PROS1: variants seen among roughly 807,000 people sequenced by gnomAD.
PROS1 encodes protein S.
Under a neutral mutation model 75.9 loss-of-function variants are expected in PROS1, and 29 were observed. The ratio of observed to expected loss-of-function variants is 0.38; its 90% CI spans 0.28 to 0.52. The LOEUF is 0.52. PROS1 is among the 20% of genes least tolerant of loss of function. The probability of loss-of-function intolerance (pLI) is 0.83; values close to 1 mark genes in which losing one functional copy is unlikely to be tolerated. For synonymous variants in PROS1, 245 were observed against 280.6 expected, an observed-to-expected ratio of 0.87 and a Z score of 1.27; for missense variants, 680 against 810.3, an observed-to-expected ratio of 0.84 and a Z score of 1.95.
At chr3:93,917,374 A>G (rs1708872633) in intron 3 of PROS1, among the ~76,000 whole-genome samples, 1 of 152,156 alleles carries the variant, frequency 6.6e-6, no homozygotes, top group Admixed American at 6.5e-5. Context: ...ATCTTGGCTC[A>G]CCGCAACCTC....
intron 3 of PROS1, among the ~76,000 whole-genome samples, chr3:93,912,252 C>T (rs1254936393): frequency 2.6e-5 from 4 of 152,090 alleles, no homozygotes; most frequent in African/African-American, 9.7e-5. Flanking sequence ...CTTTATCATT[C>T]CATATCTGAC....
At chr3:93,876,444 C>A (rs566178594) in intron 14 of PROS1, among the ~76,000 whole-genome samples, 89 of 151,892 alleles carry the variant, frequency 5.9e-4, no homozygotes, top group African/African-American at 2.1e-3. Context: ...AAAAGATTAG[C>A]CGGGTGTGGT....
rs1405079395 is a variant in PROS1 at position 93,873,410 on chromosome 3, T to G, written c.*835A>C. 6.6e-6 allele frequency: 1 copy of G among 152,230 alleles called. No homozygotes were observed. Among genetic ancestry groups the G allele is most frequent in the Non-Finnish European group, 1.5e-5 (1 of 68,032 alleles). 9.4% of individuals were successfully genotyped at this position (152,230 alleles called of 1,614,324 possible). ...CTTCAACAATCACATTTTGGCAACT[T>G]ACTCTGGTAATTAAAAGTTGGATTC... is the stretch of plus-strand genomic sequence containing the variant. On this transcript the variant is annotated 3_prime_UTR_variant, in exon 15 of 15. Transcript: ENST00000394236.
At chr3:93,962,180 TACTC>T (rs1268952057) in intron 1 of PROS1, among the ~76,000 whole-genome samples, 5 of 152,250 alleles carry the variant, frequency 3.3e-5, no homozygotes, top group Non-Finnish European at 5.9e-5. Context: ...TAGCAGCTCT[TACTC>T]ACCTGAACAA....
intron 1 of PROS1, among the ~76,000 whole-genome samples, chr3:93,933,587 A>G (rs1220187113): frequency 6.6e-6 from 1 of 151,718 alleles, no homozygotes; most frequent in Non-Finnish European, 1.5e-5. Flanking sequence ...AAAAAAGAAA[A>G]AAAAAGCCTG....
chr3:93,880,696 A>G (rs1708264252), intron 12 of PROS1, among the ~76,000 whole-genome samples: 1 of 152,196 alleles, frequency 6.6e-6, no homozygotes, highest in Non-Finnish European at 1.5e-5. Flanking sequence ...TTAACACAGA[A>G]TATTAAACTC....
intron 13 of PROS1, among the ~76,000 whole-genome samples, chr3:93,878,615 C>T (rs1171726174): frequency 1.3e-5 from 2 of 152,132 alleles, no homozygotes; most frequent in African/African-American, 2.4e-5. Flanking sequence ...AAGGCTTTTT[C>T]GTGTTCTTCC....
intron 13 of PROS1, 118 bp from the exon 14 acceptor site, chr3:93,877,309 A>T: frequency 1.5e-6 from 1 of 666,900 alleles, no homozygotes; most frequent in Non-Finnish European, 2.6e-6. Flanking sequence ...AAAATGTATG[A>T]TAGAGCCTCT....
chr3:93,963,476 T>A (rs1008393253), intron 1 of PROS1, among the ~76,000 whole-genome samples: 3 of 152,198 alleles, frequency 2.0e-5, no homozygotes, highest in Non-Finnish European at 4.4e-5. Flanking sequence ...GACCAACTAA[T>A]CTCTGGCTTA....
At chr3:93,875,647 T>TATC (rs1378490927) in intron 14 of PROS1, among the ~76,000 whole-genome samples, 28 of 151,394 alleles carry the variant, frequency 1.8e-4, no homozygotes, top group Non-Finnish European at 3.0e-4. Context: ...TCTATCTATC[T>TATC]ATCTATCTAT....
Position 93,934,959 on chromosome 3 carries a change from C to G in PROS1, c.77-7552G>C, listed in dbSNP as rs1268711578. The stretch of plus-strand genomic sequence containing the variant: ...GGAAAAAAAAAAAAAGTCACTCTGG[C>G]GTTGTTTCCACAGATTAAAACCTTT... On this transcript the variant is annotated intron_variant, in intron 1 of 14. Coordinates refer to ENST00000394236, the MANE Select transcript of PROS1 (RefSeq NM_000313.4). Among the ~76,000 whole-genome samples the G allele has an allele frequency of 9.9e-5, 15 of 151,834 alleles. 1 individual carries two copies. The highest frequency in any genetic ancestry group is 1.9e-4 in the Non-Finnish European group (13 of 67,968).
intron 8 of PROS1, 127 bp downstream of exon 8, chr3:93,898,321 C>A: frequency 9.0e-7 from 1 of 1,108,760 alleles, no homozygotes; most frequent in Non-Finnish European, 1.4e-6. Context: ...TGACTCATAA[C>A]CTGCTTAAAG....
chr3:93,905,905 T>A lies in PROS1; in HGVS notation c.480A>T (p.Glu160Asp). ...CATTTATATTTGAGGGATCTTTGCA[T>A]TCATTTATGTCTAAAACAGGAAAAA... ...QGEKCEFDIN[E>D]CKDPSNINGG... The change falls in exon 6 of 15, where the codon GAA becomes GAT. Residue 160 changes from glutamate (E) to aspartate (D), a missense_variant. Physicochemically the swap from Glu to Asp is conservative, Grantham distance 45 (BLOSUM62 2). Coordinates refer to ENST00000394236, the MANE Select transcript of PROS1 (RefSeq NM_000313.4). The A allele has an allele frequency of 2.5e-6, 4 of 1,613,484 alleles. No homozygotes were observed. The highest frequency in any genetic ancestry group is 3.4e-6 in the Non-Finnish European group (4 of 1,179,494).
chr3:93,892,899 A>G, intron 10 of PROS1, 34 bp downstream of exon 10: 2 of 1,579,726 alleles, frequency 1.3e-6, no homozygotes, highest in Non-Finnish European at 1.7e-6. Context: ...ACTGCATCAA[A>G]GTGGGAAGAT....
chr3:93,911,178 A>G, intron 3 of PROS1: 2 of 171,042 alleles, frequency 1.2e-5, no homozygotes, highest in Middle Eastern at 5.8e-3. Context: ...TAATACAGTA[A>G]TATTTGTATA....
chr3:93,913,450 T>G (rs1361481751), intron 3 of PROS1, among the ~76,000 whole-genome samples: 4 of 152,174 alleles, frequency 2.6e-5, no homozygotes, highest in Non-Finnish European at 5.9e-5. Flanking sequence ...AGAAGTAACT[T>G]TGCTCCCCAT....
chr3:93,947,338 A>T (rs8178599), intron 1 of PROS1, among the ~76,000 whole-genome samples: 2,352 of 152,198 alleles, frequency 0.015, 71 homozygotes, highest in African/African-American at 0.054. Flanking sequence ...ATTCAGAATA[A>T]CAAAACAGTT....
intron 3 of PROS1, among the ~76,000 whole-genome samples, chr3:93,921,927 T>G (rs6773487): frequency 1.3e-5 from 2 of 152,008 alleles, no homozygotes; most frequent in Non-Finnish European, 2.9e-5. Flanking sequence ...TCTTGTTACT[T>G]GGGGTTTGCT....
chr3:93,949,666 G>GA (rs138879267), intron 1 of PROS1, among the ~76,000 whole-genome samples: 6 of 151,906 alleles, frequency 3.9e-5, no homozygotes, highest in African/African-American at 1.5e-4. Context: ...ATAAAAGAGG[G>GA]AAAAAAAGAC....
Sources: gnomAD v4.1 joint callset for allele counts (sites outside exome capture counted in the v4.1 genomes callset) on GRCh38, gnomAD v4.1.1 for gene constraint, MANE v1.5 for transcripts, NCBI Gene and HGNC (gene_info 2026-07-23, HGNC 2026-07-21) for gene names.